P4HA1: variants seen among roughly 807,000 people sequenced by gnomAD.
The protein encoded by P4HA1 is prolyl 4-hydroxylase subunit alpha-1.
In P4HA1, 24 loss-of-function variants were observed where a neutral mutation model predicts 72.8. That is an observed-to-expected ratio of 0.33 (90% CI 0.24 to 0.46). The LOEUF (loss-of-function observed/expected upper bound fraction) is 0.46. Among genes scored for constraint, P4HA1 ranks in the 20% least tolerant of loss-of-function variants. The pLI is 1.00. For synonymous variants in P4HA1, 201 were observed against 218.8 expected (o/e 0.92, Z 0.72); for missense variants, 446 against 640.6 (o/e 0.70, Z 3.28).
At chr10:73,074,666 T>C in intron 2 of P4HA1, 142 bp downstream of exon 2, 1 of 585,506 alleles carries the variant, frequency 1.7e-6, no homozygotes, top group Non-Finnish European at 3.1e-6. Context: ...TGTCAAATTA[T>C]TAAAAAAGGA....
chr10:73,048,224 A>G (rs1840921771), intron 7 of P4HA1, among the ~76,000 whole-genome samples: 1 of 152,172 alleles, frequency 6.6e-6, no homozygotes. Context: ...TCTTTTATAT[A>G]ATGATGAGAT....
chr10:73,073,036 G>A (rs1238924006), intron 3 of P4HA1, among the ~76,000 whole-genome samples: 1 of 151,630 alleles, frequency 6.6e-6, no homozygotes, highest in Non-Finnish European at 1.5e-5. Context: ...CGGGCATGGT[G>A]GCGCACACCT....
chr10:73,010,397 C>A (rs867431869), intron 13 of P4HA1, among the ~76,000 whole-genome samples: 4 of 151,762 alleles, frequency 2.6e-5, no homozygotes, highest in Non-Finnish European at 5.9e-5. Context: ...TGAAAAATAC[C>A]ATAAAAATGT....
chr10:73,063,424 A>G (rs922465869), intron 5 of P4HA1, among the ~76,000 whole-genome samples: 5 of 152,198 alleles, frequency 3.3e-5, no homozygotes, highest in Admixed American at 1.3e-4. Context: ...ATACCATCAC[A>G]CTGGCCATGA....
intron 1 of P4HA1, among the ~76,000 whole-genome samples, chr10:73,091,199 T>A (rs941138934): frequency 2.1e-5 from 3 of 146,194 alleles, no homozygotes; most frequent in Non-Finnish European, 4.5e-5. Flanking sequence ...AATAAATAAA[T>A]AAAAAGGAGG....
intron 3 of P4HA1, among the ~76,000 whole-genome samples, 157 bp downstream of exon 3, chr10:73,073,574 C>T (rs1589621062): frequency 6.6e-6 from 1 of 152,244 alleles, no homozygotes; most frequent in Non-Finnish European, 1.5e-5. Context: ...GAAAGTTGGC[C>T]CAAGCCTAAC....
chr10:73,054,867 G>A (rs1199551452), intron 5 of P4HA1, among the ~76,000 whole-genome samples: 4 of 152,010 alleles, frequency 2.6e-5, no homozygotes, highest in East Asian at 3.9e-4. Context: ...GCCTATTATC[G>A]TGTGCTTATT....
At chr10:73,084,698 C>T (rs374791737) in intron 1 of P4HA1, among the ~76,000 whole-genome samples, 3 of 151,924 alleles carry the variant, frequency 2.0e-5, no homozygotes, top group Admixed American at 6.6e-5. Context: ...AGAAAATGAC[C>T]GTTATATACA....
chr10:73,016,846 C>A lies in P4HA1; in HGVS notation c.1302G>T (p.Arg434=). Reference sequence around the variant, plus strand: ...ATTTCTCCATTTCTTTTTCACTTACCCGTGCAAAGTCAAAATGGGGTTCAT... The same window carrying A: ...ATTTCTCCATTTCTTTTTCACTTACACGTGCAAAGTCAAAATGGGGTTCAT... ...GQYEPHFDFA[R]KDEPDAFKEL... is the part of the protein sequence containing the mutation. The change falls in exon 11 of 15, where the codon CGG becomes CGT. Residue 434 remains arginine (R), a splice_region_variant and synonymous_variant. Transcript: ENST00000394890. 1 of 1,604,684 alleles carries A rather than the reference C, an allele frequency of 6.2e-7. No individual in the cohort carries two copies. The highest frequency in any genetic ancestry group is 1.1e-5 in the South Asian group (1 of 90,866).
intron 10 of P4HA1, among the ~76,000 whole-genome samples, chr10:73,029,252 A>G (rs936956922): frequency 2.6e-5 from 4 of 151,742 alleles, no homozygotes; most frequent in Non-Finnish European, 4.4e-5. Flanking sequence ...TCTCTACTAA[A>G]AATACAAAAT....
intron 10 of P4HA1, among the ~76,000 whole-genome samples, chr10:73,026,237 A>C (rs1282907942): frequency 6.6e-6 from 1 of 152,176 alleles, no homozygotes; most frequent in Non-Finnish European, 1.5e-5. Context: ...AAAATAGCAT[A>C]GTACTGGTAC....
At chr10:73,063,355 C>T (rs1841352779) in intron 5 of P4HA1, among the ~76,000 whole-genome samples, 1 of 152,182 alleles carries the variant, frequency 6.6e-6, no homozygotes, top group Admixed American at 6.5e-5. Context: ...GAGCTAGTGG[C>T]TGCATAAAGC....
intron 10 of P4HA1, among the ~76,000 whole-genome samples, chr10:73,028,258 G>A (rs953452427): frequency 8.0e-5 from 12 of 150,498 alleles, no homozygotes; most frequent in Admixed American, 2.6e-4. Context: ...AAAAGACCAC[G>A]TGTTCTGACA....
At chr10:73,037,770 A>C (rs1443162819) in intron 9 of P4HA1, among the ~76,000 whole-genome samples, 1 of 150,670 alleles carries the variant, frequency 6.6e-6, no homozygotes, top group Admixed American at 6.6e-5. Context: ...CACTCATTTC[A>C]GTTATCTCAG....
intron 1 of P4HA1, among the ~76,000 whole-genome samples, chr10:73,075,454 A>G (rs1263174136): frequency 6.6e-6 from 1 of 152,162 alleles, no homozygotes; most frequent in Non-Finnish European, 1.5e-5. Flanking sequence ...TTATGCTTAA[A>G]AATTCAAGCT....
intron 4 of P4HA1, chr10:73,071,270 A>G (rs1449507717): frequency 6.6e-6 from 1 of 152,058 alleles, no homozygotes; most frequent in African/African-American, 2.4e-5. Context: ...ACAGTAAAGA[A>G]GTATTCACAA....
chr10:73,074,674 G>C (rs751750043), intron 2 of P4HA1, 134 bp downstream of exon 2: 46 of 590,040 alleles, frequency 7.8e-5, no homozygotes, highest in Admixed American at 2.0e-4. Flanking sequence ...TATTAAAAAA[G>C]GACCTTTTAG....
At chr10:73,045,812 G>A (rs1427435533) in intron 8 of P4HA1, among the ~76,000 whole-genome samples, 1 of 151,052 alleles carries the variant, frequency 6.6e-6, no homozygotes, top group East Asian at 1.9e-4. Context: ...TACCTTGGAT[G>A]GCACCAATAA....
chr10:73,061,020 G>A (rs1841299060), intron 5 of P4HA1, among the ~76,000 whole-genome samples: 1 of 152,022 alleles, frequency 6.6e-6, no homozygotes, highest in Non-Finnish European at 1.5e-5. Flanking sequence ...AAAAGTAAAA[G>A]GAATAATGGA....
Sources: allele counts gnomAD v4.1 joint callset (sites outside exome capture counted in the v4.1 genomes callset), GRCh38; gene constraint gnomAD v4.1.1; transcripts MANE v1.5; gene names NCBI Gene and HGNC (gene_info 2026-07-23, HGNC 2026-07-21).